Variants in IL1RAPL1 observed in about 807,000 individuals in gnomAD.
IL1RAPL1 encodes interleukin 1 receptor accessory protein like 1, also known as interleukin-1 receptor accessory protein-like 1.
IL1RAPL1 carries 3 observed loss-of-function variants against 48.4 expected under a neutral mutation model. That is an observed-to-expected ratio of 0.06 (90% CI 0.03 to 0.16). The LOEUF (loss-of-function observed/expected upper bound fraction) is 0.16. Ranked by LOEUF, IL1RAPL1 falls within the 10% of genes least tolerant of loss-of-function variation. The probability of loss-of-function intolerance (pLI) is 1.00; values close to 1 mark genes in which losing one functional copy is unlikely to be tolerated. For missense variants in IL1RAPL1, 349 were observed against 530.6 expected, an observed-to-expected ratio of 0.66 and a Z score of 3.36; for synonymous variants, 185 against 187.7, an observed-to-expected ratio of 0.99 and a Z score of 0.12.
chrX:29,004,117 T>C (rs1349214136), intron 2 of IL1RAPL1, among the ~76,000 whole-genome samples: 1 of 110,884 alleles, frequency 9.0e-6, no homozygotes, highest in Non-Finnish European at 1.9e-5. Flanking sequence ...ATTCCAGCAC[T>C]ATACTCCAGC....
chrX:28,748,486 G>A (rs1282436906), intron 1 of IL1RAPL1, among the ~76,000 whole-genome samples: 3 of 111,372 alleles, frequency 2.7e-5, no homozygotes, highest in African/African-American at 6.5e-5. Flanking sequence ...AATTTCTTAG[G>A]ACTGTATGTT....
intron 2 of IL1RAPL1, among the ~76,000 whole-genome samples, chrX:28,794,993 C>A (rs745948067): frequency 1.8e-5 from 2 of 111,309 alleles, no homozygotes; most frequent in Non-Finnish European, 3.8e-5. Flanking sequence ...GATTAAGAGA[C>A]AACCTAGTCC....
chrX:29,651,107 C>CAA (rs367929472), intron 5 of IL1RAPL1, among the ~76,000 whole-genome samples: 1 of 93,161 alleles, frequency 1.1e-5, no homozygotes, highest in African/African-American at 3.9e-5. Flanking sequence ...TGGCTATTGT[C>CAA]AAAAAAAAAA....
intron 1 of IL1RAPL1, among the ~76,000 whole-genome samples, chrX:28,774,457 G>C (rs1936341020): frequency 1.8e-5 from 2 of 111,006 alleles, no homozygotes; most frequent in Admixed American, 9.7e-5. Context: ...GGTCTGATTG[G>C]GGCAGGACCC....
At position 29,891,742 on chromosome X, in the gene IL1RAPL1, TAC is replaced by T. The variant is rs773017833; in HGVS notation, c.779-25720_779-25719del. Among the ~76,000 whole-genome samples the T allele has an allele frequency of 4.5e-3, 503 of 111,722 alleles. 5 individuals carry two copies. Among genetic ancestry groups the T allele is most frequent in the Non-Finnish European group, 8.0e-3 (424 of 53,078 alleles). On this transcript the variant is annotated intron_variant, in intron 6 of 10. Coordinates refer to ENST00000378993, the MANE Select transcript of IL1RAPL1 (RefSeq NM_014271.4). ...GAAAAGAAATCTTCCTAGGTTATCT[TAC>T]AGTTATGATTTTTTTAAGTATAAAG... is the stretch of plus-strand genomic sequence containing the variant.
intron 2 of IL1RAPL1, among the ~76,000 whole-genome samples, chrX:29,147,862 A>G (rs1929381344): frequency 8.9e-6 from 1 of 112,320 alleles, no homozygotes; most frequent in Admixed American, 9.5e-5. Context: ...ATCATTGTCT[A>G]TAGAGTAGAA....
In IL1RAPL1 at chrX:29,140,169, A is replaced by G. The variant is rs762976464; in HGVS notation, c.83-142769A>G. ...ACAACCAGATCTCACAGGAACTAGG[A>G]CTAGAATTCACTCCATCCTGGGAGC... On this transcript the variant is annotated intron_variant, in intron 2 of 10. Transcript: ENST00000378993. Among the ~76,000 whole-genome samples the G allele has an allele frequency of 2.7e-5, 3 of 110,938 alleles. No individual in the cohort carries two copies. The South Asian group carries it at 1.1e-3, about 42-fold the overall frequency.
intron 1 of IL1RAPL1, among the ~76,000 whole-genome samples, chrX:28,667,625 G>A (rs1206934229): frequency 8.9e-6 from 1 of 112,100 alleles, no homozygotes; most frequent in Non-Finnish European, 1.9e-5. Flanking sequence ...CTCTCCTGGT[G>A]AATGATGTTC....
intron 1 of IL1RAPL1, among the ~76,000 whole-genome samples, chrX:28,596,933 A>G (rs1456571625): frequency 3.6e-5 from 4 of 111,285 alleles, no homozygotes; most frequent in Non-Finnish European, 7.5e-5. Flanking sequence ...AGAAACGTTC[A>G]GGACACATGC....
At chrX:29,367,530 G>T (rs965758969) in intron 3 of IL1RAPL1, among the ~76,000 whole-genome samples, 24 of 108,898 alleles carry the variant, frequency 2.2e-4, no homozygotes, top group African/African-American at 8.0e-4. Context: ...CTTCTAGGTA[G>T]AGCAAAAGGG....
chrX:29,806,200 C>T lies in IL1RAPL1; in HGVS notation c.779-111264C>T, dbSNP rs145727098. On this transcript the variant is annotated intron_variant, in intron 6 of 10. Transcript: ENST00000378993. The stretch of plus-strand genomic sequence containing the variant: ...TGCTCTTGCTCTATGTACATGTGAG[C>T]ACACGGGCACACGTGCGTGCACGCG... 3.6e-3 allele frequency among the ~76,000 whole-genome samples: 397 copies of T among 110,314 alleles called. 2 individuals carry two copies. Among genetic ancestry groups the T allele is most frequent in the African/African-American group, 0.012 (345 of 29,739 alleles).
At chrX:29,069,476 A>T (rs1453497511) in intron 2 of IL1RAPL1, among the ~76,000 whole-genome samples, 1 of 110,819 alleles carries the variant, frequency 9.0e-6, no homozygotes, top group Non-Finnish European at 1.9e-5. Context: ...GGTAGTTGAG[A>T]TTTATATGTG....
intron 2 of IL1RAPL1, among the ~76,000 whole-genome samples, chrX:29,053,502 A>G (rs1015736672): frequency 2.7e-5 from 3 of 112,096 alleles, no homozygotes; most frequent in African/African-American, 6.5e-5. Context: ...CCAACAGTAT[A>G]TAAGTGTTCC....
At chrX:29,063,271 A>C (rs929333276) in intron 2 of IL1RAPL1, among the ~76,000 whole-genome samples, 18 of 111,808 alleles carry the variant, frequency 1.6e-4, no homozygotes, top group African/African-American at 5.5e-4. Flanking sequence ...AAAATAGAGA[A>C]TGATAAGTGA....
chrX:28,877,062 T>G (rs551810784), intron 2 of IL1RAPL1, among the ~76,000 whole-genome samples: 3 of 111,794 alleles, frequency 2.7e-5, no homozygotes, highest in African/African-American at 9.7e-5. Flanking sequence ...ATCCTGACCA[T>G]GTAACAAAAT....
At chrX:29,527,223 A>C (rs1465566245) in intron 5 of IL1RAPL1, among the ~76,000 whole-genome samples, 2 of 110,645 alleles carry the variant, frequency 1.8e-5, no homozygotes, top group Non-Finnish European at 3.8e-5. Context: ...CACGAGAATA[A>C]ACTTCAAATG....
rs200536177 is a variant in IL1RAPL1 at position 29,255,142 on chromosome X, C to CGTGTGT, written c.83-27778_83-27773dup. Reference sequence around the variant, plus strand: ...AGGTATTTGTGTGTGTGTGTGTGTGCGTGTGTGTGTGTGTGTGTGTGTGAA... The same window carrying CGTGTGT: ...AGGTATTTGTGTGTGTGTGTGTGTGCGTGTGTGTGTGTGTGTGTGTGTGTGTGTGAA... On this transcript the variant is annotated intron_variant, in intron 2 of 10. Transcript: ENST00000378993. 6.1e-3 allele frequency among the ~76,000 whole-genome samples: 380 copies of CGTGTGT among 62,438 alleles called. 4 individuals are homozygous for CGTGTGT. Among genetic ancestry groups the CGTGTGT allele is most frequent in the Middle Eastern group, 9.2e-3 (1 of 109 alleles). 54.2% of individuals were successfully genotyped at this position (62,438 alleles called of 115,157 possible).
chrX:28,734,292 C>G lies in IL1RAPL1; in HGVS notation c.-24-55028C>G, dbSNP rs191975269. On this transcript the variant is annotated intron_variant, in intron 1 of 10. Coordinates refer to ENST00000378993, the MANE Select transcript of IL1RAPL1 (RefSeq NM_014271.4). Reference sequence around the variant, plus strand: ...CCCTGCAGTGAAACCACAATTCATTCATTACAAATGAAAAGTGTTTACAAT... The same window carrying G: ...CCCTGCAGTGAAACCACAATTCATTGATTACAAATGAAAAGTGTTTACAAT... Among the ~76,000 whole-genome samples the G allele has an allele frequency of 1.1e-4, 12 of 111,506 alleles. No individual in the cohort carries two copies. In the East Asian group the frequency reaches 3.4e-3, roughly 32 times the overall value.
intron 6 of IL1RAPL1, among the ~76,000 whole-genome samples, chrX:29,794,091 T>G (rs1398418779): frequency 8.9e-6 from 1 of 112,118 alleles, no homozygotes; most frequent in Admixed American, 9.5e-5. Flanking sequence ...TTATTTTTAG[T>G]GTAATACATC....
Sources: allele counts gnomAD v4.1 joint callset (sites outside exome capture counted in the v4.1 genomes callset), GRCh38; gene constraint gnomAD v4.1.1; transcripts MANE v1.5; gene names NCBI Gene and HGNC (gene_info 2026-07-23, HGNC 2026-07-21).